SPRED2: variants seen among roughly 807,000 people sequenced by gnomAD.
SPRED2 encodes the protein sprouty-related, EVH1 domain-containing protein 2.
In SPRED2, 47 loss-of-function variants were observed where a neutral mutation model predicts 43.0. The ratio of observed to expected loss-of-function variants is 1.09; its 90% CI spans 0.87 to 1.40. SPRED2 has a LOEUF of 1.40. Ranked by LOEUF, SPRED2 falls within the 40% of genes most tolerant of loss-of-function variation. The pLI, the probability that SPRED2 is intolerant of heterozygous loss-of-function variation, is 0.00. For missense variants in SPRED2, 561 were observed against 586.4 expected (o/e 0.96, Z 0.45); for synonymous variants, 225 against 225.7 (o/e 1.00, Z 0.03).
chr2:65,414,826 G>A (rs1340040504), intron 1 of SPRED2, among the ~76,000 whole-genome samples: 1 of 152,148 alleles, frequency 6.6e-6, no homozygotes, highest in African/African-American at 2.4e-5. Flanking sequence ...GTTGCAGAGG[G>A]GACTAGGCAG....
At chr2:65,364,380 G>T (rs1319001992) in intron 1 of SPRED2, among the ~76,000 whole-genome samples, 3 of 152,208 alleles carry the variant, frequency 2.0e-5, no homozygotes, top group Non-Finnish European at 4.4e-5. Context: ...TCTATTGATT[G>T]CTTCCAAGTT....
chr2:65,350,996 G>A (rs1045946744), intron 1 of SPRED2, among the ~76,000 whole-genome samples: 2 of 152,200 alleles, frequency 1.3e-5, no homozygotes, highest in Non-Finnish European at 2.9e-5. Context: ...TGAAAGTAGT[G>A]TTACAGGTCG....
At chr2:65,349,136 G>A (rs995865962) in intron 1 of SPRED2, among the ~76,000 whole-genome samples, 39 of 152,032 alleles carry the variant, frequency 2.6e-4, no homozygotes, top group South Asian at 2.1e-4. Flanking sequence ...GTGAAACCCC[G>A]TCTCTACTAA....
At chr2:65,318,892 C>T (rs1052417695) in intron 4 of SPRED2, among the ~76,000 whole-genome samples, 1 of 152,122 alleles carries the variant, frequency 6.6e-6, no homozygotes, top group Non-Finnish European at 1.5e-5. Context: ...AAGTGATCCT[C>T]CTGCTTTGGC....
In SPRED2 at chr2:65,316,689, G is replaced by A. The variant is rs371069084; in HGVS notation, c.588+45C>T. ...GGGGAAAGAGGCCATTCCAGAATCAGAGGCACCACCCTGATGCCCTCAGAG... is the reference window on the plus strand; with the variant it reads ...GGGGAAAGAGGCCATTCCAGAATCAAAGGCACCACCCTGATGCCCTCAGAG... On this transcript the variant is annotated intron_variant, in intron 5 of 5. Transcript: ENST00000356388. 3 of 1,572,178 alleles carry A rather than the reference G, an allele frequency of 1.9e-6. No individual in the cohort carries two copies. The African/African-American group carries it at 4.0e-5, about 21-fold the overall frequency.
At chr2:65,340,134 T>A (rs1018889211) in intron 2 of SPRED2, among the ~76,000 whole-genome samples, 5 of 152,240 alleles carry the variant, frequency 3.3e-5, no homozygotes, top group African/African-American at 1.2e-4. Context: ...CAATACTGTT[T>A]AATTAAAAGT....
chr2:65,382,325 G>A (rs1675391611), intron 1 of SPRED2, among the ~76,000 whole-genome samples: 1 of 152,210 alleles, frequency 6.6e-6, no homozygotes, highest in African/African-American at 2.4e-5. Flanking sequence ...AGAAAAAAAA[G>A]CCAGGGGGGG....
At chr2:65,339,660 C>G (rs1674119666) in intron 2 of SPRED2, among the ~76,000 whole-genome samples, 1 of 149,574 alleles carries the variant, frequency 6.7e-6, no homozygotes, top group East Asian at 2.0e-4. Flanking sequence ...TCCTATGACC[C>G]TGCCAAATCC....
chr2:65,367,612 A>C (rs553711398), intron 1 of SPRED2, among the ~76,000 whole-genome samples: 4 of 152,282 alleles, frequency 2.6e-5, no homozygotes, highest in African/African-American at 9.6e-5. Flanking sequence ...GGGAGGTATG[A>C]TACATGTATC....
chr2:65,312,589 A>G lies in SPRED2; in HGVS notation c.*912T>C. 2 of 985,740 alleles carry G rather than the reference A, an allele frequency of 2.0e-6. No homozygotes were observed. Among genetic ancestry groups the G allele is most frequent in the Non-Finnish European group, 2.4e-6 (2 of 829,902 alleles). 61.1% of individuals were successfully genotyped at this position (985,740 alleles called of 1,614,324 possible). A position where few individuals can be genotyped will look rare whatever the true frequency, so the allele number is the denominator to read the frequency against. On this transcript the variant is annotated 3_prime_UTR_variant, in exon 6 of 6. Transcript: ENST00000356388. Reference sequence around the variant, plus strand: ...AACAACAAGCAAAATTTCTTACTTCACTAGTATCCTATTCTAATATTGCTA... The same window carrying G: ...AACAACAAGCAAAATTTCTTACTTCGCTAGTATCCTATTCTAATATTGCTA...
intron 1 of SPRED2, among the ~76,000 whole-genome samples, chr2:65,361,264 G>A (rs4371349): frequency 0.98 from 149,122 of 152,346 alleles, 73,000 homozygotes; most frequent in East Asian, 1. Context: ...TGCTTCAAAT[G>A]TAAGTGTAAA....
In SPRED2 at chr2:65,397,263, T is replaced by G. The variant is rs965853420; in HGVS notation, c.26+34699A>C. On this transcript the variant is annotated intron_variant, in intron 1 of 5. Transcript: ENST00000356388. ...AGACCCCTATCACAGTATTTACTCC[T>G]GAGTACCCTGAAAATGACTCAGGCC... 3.3e-5 allele frequency among the ~76,000 whole-genome samples: 5 copies of G among 152,296 alleles called. No individual in the cohort carries two copies. The East Asian group carries it at 7.7e-4, about 24-fold the overall frequency.
At position 65,311,109 on chromosome 2, in the gene SPRED2, G is replaced by A; in HGVS notation, c.*2392C>T. The A allele has an allele frequency of 6.1e-6, 6 of 985,730 alleles. No homozygotes were observed. Among genetic ancestry groups the A allele is most frequent in the Non-Finnish European group, 7.2e-6 (6 of 829,908 alleles). The allele number at this position is 985,730 out of a possible 1,614,324, so 61.1% of individuals were successfully genotyped here. On this transcript the variant is annotated 3_prime_UTR_variant, in exon 6 of 6. Coordinates refer to ENST00000356388, the MANE Select transcript of SPRED2 (RefSeq NM_181784.3). The stretch of plus-strand genomic sequence containing the variant: ...AGCAAATAGCTTGGGGGGTCGGGGA[G>A]GCTTCTGGACAGAAAATCTTTTGGT...
At chr2:65,384,474 T>C (rs1675445053) in intron 1 of SPRED2, among the ~76,000 whole-genome samples, 1 of 152,210 alleles carries the variant, frequency 6.6e-6, no homozygotes, top group Admixed American at 6.5e-5. Context: ...ATTTATTAAC[T>C]AAATAATAAT....
chr2:65,360,080 AAAAAAAAAC>A (rs1674763982), intron 1 of SPRED2, among the ~76,000 whole-genome samples: 24 of 46,936 alleles, frequency 5.1e-4, no homozygotes, highest in African/African-American at 9.4e-4. Flanking sequence ...AAAAAAAAAC[AAAAAAAAAC>A]AAAAAAAAAA....
chr2:65,376,947 C>T (rs1675255407), intron 1 of SPRED2, among the ~76,000 whole-genome samples: 1 of 152,156 alleles, frequency 6.6e-6, no homozygotes, highest in African/African-American at 2.4e-5. Flanking sequence ...ATCTCCTGAC[C>T]TCATGATCCG....
At chr2:65,363,005 G>GTTTTT (rs113081105) in intron 1 of SPRED2, among the ~76,000 whole-genome samples, 99 of 121,082 alleles carry the variant, frequency 8.2e-4, no homozygotes, top group Non-Finnish European at 1.3e-3. Flanking sequence ...ATCATGTTTT[G>GTTTTT]TTTTTTTTTT....
intron 4 of SPRED2, among the ~76,000 whole-genome samples, chr2:65,319,668 T>G (rs1673355617): frequency 6.6e-6 from 1 of 152,194 alleles, no homozygotes; most frequent in African/African-American, 2.4e-5. Flanking sequence ...GGTTCCCTCC[T>G]CTTCCTCACA....
At chr2:65,383,327 C>A (rs758895153) in intron 1 of SPRED2, among the ~76,000 whole-genome samples, 1 of 152,120 alleles carries the variant, frequency 6.6e-6, no homozygotes, top group Non-Finnish European at 1.5e-5. Context: ...TCTGTGAGGC[C>A]GGGGCCCTGT....
Sources: allele counts gnomAD v4.1 joint callset (sites outside exome capture counted in the v4.1 genomes callset), GRCh38; gene constraint gnomAD v4.1.1; transcripts MANE v1.5; gene names NCBI Gene and HGNC (gene_info 2026-07-23, HGNC 2026-07-21).